RNASEH1: variants seen among roughly 807,000 people sequenced by gnomAD.
RNASEH1 encodes ribonuclease H type II.
RNASEH1 carries 27 observed loss-of-function variants against 34.6 expected under a neutral mutation model. The observed-to-expected ratio is 0.78, with a 90% CI of 0.58 to 1.08. The LOEUF is 1.08. RNASEH1 is among the 50% of genes least tolerant of loss of function. The pLI is 0.00. For missense variants in RNASEH1, 349 were observed against 373.6 expected, an observed-to-expected ratio of 0.93 and a Z score of 0.54; for synonymous variants, 162 against 138.4, an observed-to-expected ratio of 1.17 and a Z score of -1.20.
rs1361108613 is a variant in RNASEH1 at position 3,541,658 on chromosome 2, T to C, written c.*4127A>G. 6.6e-6 allele frequency among the ~76,000 whole-genome samples: 1 copy of C among 152,188 alleles called. No individual in the cohort carries two copies. The highest frequency in any genetic ancestry group is 2.4e-5 in the African/African-American group (1 of 41,444). On this transcript the variant is annotated 3_prime_UTR_variant, in exon 8 of 8. Coordinates refer to ENST00000315212, the MANE Select transcript of RNASEH1 (RefSeq NM_002936.6). ...CACTCAGATAAAATTCTAGAATATATAAATTAACCTTTAGTGAGAGGGAGC... is the reference window on the plus strand; with the variant it reads ...CACTCAGATAAAATTCTAGAATATACAAATTAACCTTTAGTGAGAGGGAGC...
rs967086346 is a variant in RNASEH1, at chr2:3,543,207, T to C, written c.*2578A>G. On this transcript the variant is annotated 3_prime_UTR_variant, in exon 8 of 8. Transcript: ENST00000315212. Reference sequence around the variant, plus strand: ...GGCTGACCTGCAGTCAGTCTGGCCATGTACATGTGTCTTTCCCTTCCTGTG... The same window carrying C: ...GGCTGACCTGCAGTCAGTCTGGCCACGTACATGTGTCTTTCCCTTCCTGTG... Among the ~76,000 whole-genome samples the C allele has an allele frequency of 2.0e-5, 3 of 152,196 alleles. No individual in the cohort carries two copies. Among genetic ancestry groups the C allele is most frequent in the Non-Finnish European group, 4.4e-5 (3 of 68,036 alleles).
Position 3,541,476 on chromosome 2 carries a change from G to A in RNASEH1, c.*4309C>T, listed in dbSNP as rs1248665552. ...TTTGCTTTATTTTTATTTAGAAATT[G>A]GAAATAATCGAAATATCGGTCAACA... On this transcript the variant is annotated 3_prime_UTR_variant, in exon 8 of 8. Transcript: ENST00000315212. Among the ~76,000 whole-genome samples the A allele has an allele frequency of 6.6e-6, 1 of 152,150 alleles. No homozygotes were observed. The highest frequency in any genetic ancestry group is 1.5e-5 in the Non-Finnish European group (1 of 68,034).
chr2:3,531,877 C>T, the RNASEH1 span: 2 of 167,166 alleles, frequency 1.2e-5, no homozygotes, highest in Non-Finnish European at 2.6e-5. Flanking sequence ...GGTCTTTGGT[C>T]TTCCCTAACA....
chr2:3,555,092 G>A (rs1487332411), intron 2 of RNASEH1, among the ~76,000 whole-genome samples: 1 of 152,218 alleles, frequency 6.6e-6, no homozygotes. Context: ...TATAGGAGGA[G>A]CATCATGGCC....
chr2:3,557,364 C>T (rs1016731491), intron 1 of RNASEH1, among the ~76,000 whole-genome samples: 1 of 152,150 alleles, frequency 6.6e-6, no homozygotes, highest in Non-Finnish European at 1.5e-5. Context: ...TACTGTATGC[C>T]AGCCAGCCAG....
chr2:3,540,511 C>T (rs1039974035), downstream of RNASEH1, among the ~76,000 whole-genome samples: 13 of 152,202 alleles, frequency 8.5e-5, no homozygotes, highest in Non-Finnish European at 1.9e-4. Context: ...TGGGTTCAAG[C>T]AATTCTCCTG....
the RNASEH1 span, among the ~76,000 whole-genome samples, chr2:3,535,320 G>C: frequency 1.3e-5 from 2 of 151,864 alleles, no homozygotes; most frequent in Admixed American, 1.3e-4. Flanking sequence ...CCAGCTACTT[G>C]GGAGGCTGAG....
chr2:3,534,344 G>C, the RNASEH1 span: 2 of 152,356 alleles, frequency 1.3e-5, no homozygotes. Flanking sequence ...ACTGCTGGCT[G>C]CCACACACCC....
chr2:3,549,304 T>C (rs560122096), intron 4 of RNASEH1, among the ~76,000 whole-genome samples, 192 bp from the exon 5 acceptor site: 5 of 152,224 alleles, frequency 3.3e-5, no homozygotes, highest in African/African-American at 4.8e-5. Flanking sequence ...CTGACTCTCA[T>C]GGGTTCCACT....
chr2:3,537,303 G>T (rs545117067), downstream of RNASEH1, among the ~76,000 whole-genome samples: 78 of 152,302 alleles, frequency 5.1e-4, no homozygotes, highest in African/African-American at 1.8e-3. Flanking sequence ...GGCCACTGGG[G>T]TTTCTGCTGG....
At position 3,558,172 on chromosome 2, in the gene RNASEH1, G is replaced by T; in HGVS notation, c.89C>A (p.Ala30Asp). The change falls in exon 1 of 8, where the codon GCC becomes GAC. Residue 30 changes from alanine to aspartate, a missense_variant. Coordinates refer to ENST00000315212, the MANE Select transcript of RNASEH1 (RefSeq NM_002936.6). The stretch of plus-strand genomic sequence containing the variant: ...CCCGGTCTTGCGGCCCCTCCTCACG[G>T]CATAGAACATCCCGAACCCGCGAGA... ...RGSRGFGMFY[A>D]VRRGRKTGVF... 1 of 1,603,290 alleles carries T rather than the reference G, an allele frequency of 6.2e-7. No homozygotes were observed. The highest frequency in any genetic ancestry group is 8.5e-7 in the Non-Finnish European group (1 of 1,176,392).
At chr2:3,556,419 C>T (rs897088779) in intron 2 of RNASEH1, among the ~76,000 whole-genome samples, 4 of 151,668 alleles carry the variant, frequency 2.6e-5, no homozygotes, top group Non-Finnish European at 4.4e-5. Context: ...AATTCTCCCA[C>T]CTCAGCCTCC....
chr2:3,555,727 C>T (rs1332877514), intron 2 of RNASEH1, among the ~76,000 whole-genome samples: 1 of 144,836 alleles, frequency 6.9e-6, no homozygotes, highest in Non-Finnish European at 1.5e-5. Flanking sequence ...CAGTGTAGAT[C>T]CAGAAATATT....
intron 2 of RNASEH1, among the ~76,000 whole-genome samples, chr2:3,555,328 C>G (rs1049064379): frequency 3.3e-5 from 5 of 152,288 alleles, no homozygotes; most frequent in African/African-American, 1.2e-4. Flanking sequence ...TGCCCCAACA[C>G]CTTGTCTCTC....
At chr2:3,549,722 G>A (rs1466534001) in intron 4 of RNASEH1, among the ~76,000 whole-genome samples, 1 of 151,904 alleles carries the variant, frequency 6.6e-6, no homozygotes, top group Non-Finnish European at 1.5e-5. Context: ...CGAGGTGGGC[G>A]GATCACGAGG....
Position 3,542,029 on chromosome 2 carries a change from C to T in RNASEH1, c.*3756G>A, listed in dbSNP as rs1484425509. On this transcript the variant is annotated 3_prime_UTR_variant, in exon 8 of 8. Coordinates refer to ENST00000315212, the MANE Select transcript of RNASEH1 (RefSeq NM_002936.6). ...CAAAACAAAAGTGGTACAATAACAA[C>T]TTTTAAAACTCAAAAAGAAACAAAG... Among the ~76,000 whole-genome samples the T allele has an allele frequency of 6.6e-6, 1 of 152,114 alleles. No individual in the cohort carries two copies. Among genetic ancestry groups the T allele is most frequent in the Non-Finnish European group, 1.5e-5 (1 of 68,026 alleles).
chr2:3,546,902 T>C (rs550135102), intron 7 of RNASEH1, among the ~76,000 whole-genome samples: 1 of 152,124 alleles, frequency 6.6e-6, no homozygotes, highest in Non-Finnish European at 1.5e-5. Flanking sequence ...GCAGGTGGAA[T>C]GTTTGAGATC....
intron 7 of RNASEH1, among the ~76,000 whole-genome samples, chr2:3,547,080 A>G (rs1190758357): frequency 6.6e-6 from 1 of 152,230 alleles, no homozygotes; most frequent in Non-Finnish European, 1.5e-5. Context: ...ATCACGCCAT[A>G]GCCTGGGGTG....
chr2:3,545,660 C>T lies in RNASEH1; in HGVS notation c.*125G>A, dbSNP rs1030948749. ...CACAGAAGGCCACTGTGCCTGATTC[C>T]GTGTGAAAGACGCATCTGCCCATCA... is the stretch of plus-strand genomic sequence containing the variant. On this transcript the variant is annotated 3_prime_UTR_variant, in exon 8 of 8. Transcript: ENST00000315212. The T allele has an allele frequency of 1.2e-5, 8 of 690,256 alleles. No homozygotes were observed. Among genetic ancestry groups the T allele is most frequent in the Non-Finnish European group, 1.9e-5 (7 of 375,192 alleles). 42.8% of individuals were successfully genotyped at this position (690,256 alleles called of 1,614,324 possible). A position where few individuals can be genotyped will look rare whatever the true frequency, so the allele number is the denominator to read the frequency against.
Sources: gnomAD v4.1 joint callset for allele counts (sites outside exome capture counted in the v4.1 genomes callset) on GRCh38, gnomAD v4.1.1 for gene constraint, MANE v1.5 for transcripts, NCBI Gene and HGNC (gene_info 2026-07-23, HGNC 2026-07-21) for gene names.